The following MYO5A variants were observed in gnomAD, a reference collection of about 807,000 sequenced individuals.
MYO5A encodes the protein unconventional myosin-Va.
A neutral mutation model predicts 249.7 loss-of-function variants in MYO5A; 98 were observed. That is an observed-to-expected ratio of 0.39 (90% CI 0.33 to 0.46). The LOEUF (loss-of-function observed/expected upper bound fraction) is 0.46, where lower values mean the gene tolerates loss of function less well. MYO5A is among the 20% of genes least tolerant of loss of function. MYO5A has a pLI of 0.98. For missense variants in MYO5A, 1,696 were observed against 2,308.8 expected, an observed-to-expected ratio of 0.73 and a Z score of 5.44; for synonymous variants, 778 against 810.6, an observed-to-expected ratio of 0.96 and a Z score of 0.68.
chr15:52,434,092 C>T (rs562138272), intron 1 of MYO5A, among the ~76,000 whole-genome samples: 624 of 151,374 alleles, frequency 4.1e-3, no homozygotes, highest in Middle Eastern at 6.8e-3. Flanking sequence ...CTCTGCCTCC[C>T]GGGTTCAAGT....
intron 4 of MYO5A, among the ~76,000 whole-genome samples, chr15:52,425,083 C>T (rs2075365323): frequency 6.6e-6 from 1 of 152,136 alleles, no homozygotes; most frequent in Admixed American, 6.5e-5. Context: ...AGCAAGACCC[C>T]ATCTTGAAAG....
At chr15:52,517,244 T>C (rs1254989366) in intron 1 of MYO5A, among the ~76,000 whole-genome samples, 3 of 152,198 alleles carry the variant, frequency 2.0e-5, no homozygotes, top group Non-Finnish European at 4.4e-5. Flanking sequence ...CTAGGGAGAC[T>C]TGAATTCTAA....
At chr15:52,382,633 G>T (rs570316354) in intron 16 of MYO5A, among the ~76,000 whole-genome samples, 2 of 152,284 alleles carry the variant, frequency 1.3e-5, no homozygotes, top group East Asian at 1.9e-4. Flanking sequence ...AAAAACTCCA[G>T]AAAAATTGAT....
At chr15:52,399,433 GCACA>G (rs1490413539) in intron 9 of MYO5A, among the ~76,000 whole-genome samples, 2 of 152,082 alleles carry the variant, frequency 1.3e-5, no homozygotes, top group East Asian at 3.9e-4. Flanking sequence ...AGGATTACAG[GCACA>G]CACCATGCAC....
rs189230734 is a variant in MYO5A at position 52,512,124 on chromosome 15, C to T, written c.27+16656G>A. 2.7e-4 allele frequency among the ~76,000 whole-genome samples: 40 copies of T among 148,080 alleles called. No homozygotes were observed. In the East Asian group the frequency reaches 6.9e-3, roughly 26 times the overall value. ...CTTGCAGTGAGCCGAGATTGCGCCA[C>T]TGCACTCCAGCCTAGGCGACAGAGC... On this transcript the variant is annotated intron_variant, in intron 1 of 41. Coordinates refer to ENST00000399233, the MANE Select transcript of MYO5A (RefSeq NM_001382347.1).
rs190856262 is a variant in MYO5A at position 52,363,232 on chromosome 15, G to C, written c.3309+1322C>G. Among the ~76,000 whole-genome samples, 3 of 152,240 alleles carry C rather than the reference G, an allele frequency of 2.0e-5. No individual in the cohort carries two copies. In the East Asian group the frequency reaches 5.8e-4, roughly 29 times the overall value. ...ACATGAACACTGAAAAAGAAGAAAA[G>C]GATTCAAGAGAAAGCTAAGAATTAC... On this transcript the variant is annotated intron_variant, in intron 24 of 41. Coordinates refer to ENST00000399233, the MANE Select transcript of MYO5A (RefSeq NM_001382347.1).
intron 27 of MYO5A, 102 bp downstream of exon 27, chr15:52,353,503 A>G: frequency 1.0e-6 from 1 of 991,528 alleles, no homozygotes; most frequent in South Asian, 1.3e-5. Flanking sequence ...CTCTGGTGCA[A>G]TCTCCAACCC....
At chr15:52,410,275 G>C in intron 6 of MYO5A, 58 bp downstream of exon 6, 1 of 1,539,964 alleles carries the variant, frequency 6.5e-7, no homozygotes, top group Non-Finnish European at 9.0e-7. Context: ...AGCAAGCATG[G>C]ACTCAACAAT....
rs150527461 is a variant in MYO5A at position 52,335,247 on chromosome 15, C to G, written c.4408+1216G>C. The stretch of plus-strand genomic sequence containing the variant: ...TTAAAATTTGGCTTTAGGCTGGAAG[C>G]GGTGGCTCACGCCTATACCCAGCAC... On this transcript the variant is annotated intron_variant, in intron 34 of 41. Transcript: ENST00000399233. 7.9e-5 allele frequency among the ~76,000 whole-genome samples: 12 copies of G among 152,194 alleles called. No individual in the cohort carries two copies. The East Asian group carries it at 2.1e-3, about 27-fold the overall frequency.
At position 52,410,378 on chromosome 15, in the gene MYO5A, G is replaced by A; in HGVS notation, c.711C>T (p.Ala237=). 6.2e-7 allele frequency: 1 copy of A among 1,613,666 alleles called. No homozygotes were observed. The highest frequency in any genetic ancestry group is 1.1e-5 in the South Asian group (1 of 91,052). The change falls in exon 6 of 42, where the codon GCC becomes GCT. Residue 237 remains alanine, a synonymous_variant. Transcript: ENST00000399233. ...TCTCTAAAAGATAAGTTCTCATATTGGCACCAATGATTCGATATCTCTTAT... is the reference window on the plus strand; with the variant it reads ...TCTCTAAAAGATAAGTTCTCATATTAGCACCAATGATTCGATATCTCTTAT... ...GFDKRYRIIG[A]NMRTYLLEKS...
chr15:52,455,327 G>A (rs1382972395), intron 1 of MYO5A, among the ~76,000 whole-genome samples: 1 of 151,662 alleles, frequency 6.6e-6, no homozygotes, highest in African/African-American at 2.4e-5. Context: ...TAACAACAAC[G>A]ACAAAAAAGA....
At chr15:52,323,492 C>A in intron 36 of MYO5A, 48 bp from the exon 37 acceptor site, 1 of 1,434,622 alleles carries the variant, frequency 7.0e-7, no homozygotes, top group Non-Finnish European at 9.8e-7. Context: ...AGGGAAATAA[C>A]AACCTAAAAA....
At chr15:52,478,722 G>A (rs2076651887) in intron 1 of MYO5A, among the ~76,000 whole-genome samples, 1 of 152,208 alleles carries the variant, frequency 6.6e-6, no homozygotes, top group Non-Finnish European at 1.5e-5. Context: ...TGAGAAGCGT[G>A]AGATCACTTT....
intron 4 of MYO5A, among the ~76,000 whole-genome samples, chr15:52,416,823 G>A (rs973584582): frequency 2.6e-5 from 4 of 152,180 alleles, no homozygotes; most frequent in African/African-American, 9.6e-5. Context: ...CCTGGGAAAG[G>A]AGGAGAGATA....
chr15:52,440,934 G>A (rs1443129897), intron 1 of MYO5A, among the ~76,000 whole-genome samples: 2 of 152,120 alleles, frequency 1.3e-5, no homozygotes, highest in Admixed American at 6.5e-5. Context: ...GCTCACTTTC[G>A]ATAGCCCATT....
At chr15:52,470,177 C>A (rs2076430946) in intron 1 of MYO5A, among the ~76,000 whole-genome samples, 2 of 152,176 alleles carry the variant, frequency 1.3e-5, no homozygotes, top group Admixed American at 1.3e-4. Context: ...ATAGCATTGA[C>A]AATTCTTTCC....
intron 1 of MYO5A, among the ~76,000 whole-genome samples, chr15:52,522,691 C>T (rs1175076842): frequency 6.6e-6 from 1 of 152,150 alleles, no homozygotes; most frequent in Non-Finnish European, 1.5e-5. Flanking sequence ...AACTAAATTA[C>T]CTTCTGAGGT....
At chr15:52,417,468 C>T (rs897449045) in intron 4 of MYO5A, among the ~76,000 whole-genome samples, 8 of 152,140 alleles carry the variant, frequency 5.3e-5, no homozygotes, top group Admixed American at 6.6e-5. Flanking sequence ...AAGAAATAGT[C>T]CATTTGCTGG....
At chr15:52,416,937 G>T (rs2043526917) in intron 4 of MYO5A, among the ~76,000 whole-genome samples, 1 of 152,142 alleles carries the variant, frequency 6.6e-6, no homozygotes, top group Non-Finnish European at 1.5e-5. Context: ...CTGAGTTTCT[G>T]CTTACACATT....
Sources: allele counts gnomAD v4.1 joint callset (sites outside exome capture counted in the v4.1 genomes callset), GRCh38; gene constraint gnomAD v4.1.1; transcripts MANE v1.5; gene names NCBI Gene and HGNC (gene_info 2026-07-23, HGNC 2026-07-21).